NAA16: variants seen among roughly 807,000 people sequenced by gnomAD.
The protein encoded by NAA16 is NARG1-like protein.
A neutral mutation model predicts 110.3 loss-of-function variants in NAA16; 97 were observed. The observed-to-expected ratio is 0.88, with a 90% CI of 0.75 to 1.04. The LOEUF (loss-of-function observed/expected upper bound fraction) is 1.04. Ranked by LOEUF, NAA16 falls within the 50% of genes least tolerant of loss-of-function variation. NAA16 has a pLI of 0.00. For missense variants in NAA16, 1,017 were observed against 1,005.1 expected (o/e 1.01, Z -0.16); for synonymous variants, 372 against 330.6 (o/e 1.13, Z -1.36).
intron 9 of NAA16, among the ~76,000 whole-genome samples, chr13:41,346,203 A>C (rs1436192946): frequency 1.3e-5 from 2 of 152,222 alleles, no homozygotes; most frequent in Non-Finnish European, 2.9e-5. Context: ...GTGTGTGACT[A>C]TCCAGTTTTC....
At chr13:41,335,276 T>C (rs1029768940) in intron 8 of NAA16, among the ~76,000 whole-genome samples, 3 of 152,240 alleles carry the variant, frequency 2.0e-5, no homozygotes, top group East Asian at 1.9e-4. Context: ...TTTACTGTTA[T>C]ATTCTTATCT....
chr13:41,327,747 T>TTTTTTTTTTTTTTTTTTTTGAGACGG (rs2042130456), intron 6 of NAA16: 1 of 150,910 alleles, frequency 6.6e-6, no homozygotes. Context: ...TTTAAAGTTT[T>TTTTTTTTTTTTTTTTTTTTGAGACGG]AAGTAGCAGA....
chr13:41,353,177 T>C (rs1209886672), intron 9 of NAA16, among the ~76,000 whole-genome samples: 1 of 151,126 alleles, frequency 6.6e-6, no homozygotes, highest in Non-Finnish European at 1.5e-5. Flanking sequence ...CGTCCGCCCT[T>C]TTAAAAGCCA....
chr13:41,336,653 A>G lies in NAA16; in HGVS notation c.911A>G (p.Glu304Gly), dbSNP rs141436576. The change falls in exon 9 of 20, where the codon GAA (glutamate) becomes GGA (glycine). Residue 304 changes from glutamate to glycine, a missense_variant. Physicochemically the swap from Glu to Gly is moderately conservative, Grantham distance 98. Transcript: ENST00000379406. ...CAAAGTACGCTTTTGTTTCTAGGTGAAAGATTTAGAGAACTAATGGATAAG... is the reference window on the plus strand; with the variant it reads ...CAAAGTACGCTTTTGTTTCTAGGTGGAAGATTTAGAGAACTAATGGATAAG... ...RRLPLTLVPG[E>G]RFRELMDKFL... 1.3e-3 allele frequency: 1,978 copies of G among 1,564,440 alleles called. 2 individuals are homozygous for G. The highest frequency in any genetic ancestry group is 1.6e-3 in the Non-Finnish European group (1,879 of 1,149,248).
intron 8 of NAA16, among the ~76,000 whole-genome samples, chr13:41,332,988 A>G (rs543624858): frequency 2.0e-5 from 3 of 152,174 alleles, no homozygotes; most frequent in African/African-American, 7.2e-5. Context: ...TTTTCCAGGG[A>G]ACATTAAGTC....
chr13:41,315,836 CA>C (rs1162693880), intron 1 of NAA16, among the ~76,000 whole-genome samples: 23 of 152,166 alleles, frequency 1.5e-4, no homozygotes, highest in African/African-American at 4.8e-4. Flanking sequence ...GTGGCACAGT[CA>C]TGCCTTACTG....
chr13:41,338,847 T>G (rs1190836662), intron 9 of NAA16, among the ~76,000 whole-genome samples: 1 of 152,212 alleles, frequency 6.6e-6, no homozygotes, highest in Non-Finnish European at 1.5e-5. Context: ...TCTGAGATTT[T>G]TGGTACACCC....
chr13:41,365,192 CAAATTTAGAGACTA>C (rs2043186077), intron 13 of NAA16, among the ~76,000 whole-genome samples: 1 of 152,026 alleles, frequency 6.6e-6, no homozygotes, highest in South Asian at 2.1e-4. Flanking sequence ...TTGTGTTTTA[CAAATTTAGAGACTA>C]AAAAATCAAC....
chr13:41,328,591 A>C (rs1440671063), intron 6 of NAA16, 133 bp from the exon 7 acceptor site: 2 of 693,422 alleles, frequency 2.9e-6, no homozygotes, highest in Non-Finnish European at 2.3e-6. Context: ...CATGAACTGC[A>C]ACATGCCCAA....
intron 5 of NAA16, among the ~76,000 whole-genome samples, chr13:41,324,544 T>G (rs999114019): frequency 2.6e-5 from 4 of 151,498 alleles, no homozygotes; most frequent in Non-Finnish European, 5.9e-5. Context: ...TCTGGCTAAG[T>G]TTTGTATTTT....
Position 41,372,716 on chromosome 13 carries a change from A to AT in NAA16, c.2057-10dup. On this transcript the variant is annotated splice_polypyrimidine_tract_variant and intron_variant, in intron 16 of 19. Transcript: ENST00000379406. ...TAAGTATTAATGCTATTACTTTTGT[A>AT]TTTTTTCTGACACAGGAAAGTTTCT... is the stretch of plus-strand genomic sequence containing the variant. 2 of 1,582,246 alleles carry AT rather than the reference A, an allele frequency of 1.3e-6. No homozygotes were observed. The highest frequency in any genetic ancestry group is 8.6e-7 in the Non-Finnish European group (1 of 1,162,578).
chr13:41,345,079 AT>A (rs1489134691), intron 9 of NAA16, among the ~76,000 whole-genome samples: 2 of 152,226 alleles, frequency 1.3e-5, no homozygotes, highest in Non-Finnish European at 2.9e-5. Context: ...ACCATGTAAC[AT>A]TCCATTTTAT....
chr13:41,314,959 A>C (rs2041769416), intron 1 of NAA16, among the ~76,000 whole-genome samples: 1 of 152,226 alleles, frequency 6.6e-6, no homozygotes, highest in African/African-American at 2.4e-5. Context: ...GTGTCACTGC[A>C]CACCAGCTTG....
At position 41,311,297 on chromosome 13, in the gene NAA16, T is replaced by C. The variant is rs990821300; in HGVS notation, c.-232T>C. On this transcript the variant is annotated 5_prime_UTR_variant, in exon 1 of 20. Coordinates refer to ENST00000379406, the MANE Select transcript of NAA16 (RefSeq NM_024561.5). ...GCGCGGGAACCGCCGCCGCCGCCGC[T>C]GGCCAAAAAGCGGAGCCCAGGGGAA... 2.4e-5 allele frequency: 13 copies of C among 546,104 alleles called. No homozygotes were observed. Among genetic ancestry groups the C allele is most frequent in the South Asian group, 7.0e-5 (3 of 42,652 alleles). 33.8% of individuals were successfully genotyped at this position (546,104 alleles called of 1,614,324 possible).
At chr13:41,350,531 C>T (rs1473877174) in intron 9 of NAA16, among the ~76,000 whole-genome samples, 8 of 151,168 alleles carry the variant, frequency 5.3e-5, no homozygotes, top group South Asian at 2.1e-4. Flanking sequence ...CTCCTGACCT[C>T]ATGATCCACC....
At chr13:41,316,799 TTATGTATTCATTTGA>T (rs768041156) in intron 1 of NAA16, 32 bp from the exon 2 acceptor site, 41 of 1,267,856 alleles carry the variant, frequency 3.2e-5, no homozygotes, top group Non-Finnish European at 4.3e-5. Flanking sequence ...AGTTGCTCCA[TTATGTATTCATTTGA>T]TAAAATAACT....
chr13:41,357,058 C>T (rs1014527591), intron 10 of NAA16, among the ~76,000 whole-genome samples: 1 of 152,176 alleles, frequency 6.6e-6, no homozygotes, highest in Non-Finnish European at 1.5e-5. Flanking sequence ...TGGCTCCACA[C>T]CTGTGATCCC....
rs137856763 is a variant in NAA16 at position 41,326,154 on chromosome 13, T to C, written c.691+303T>C. 3.5e-3 allele frequency among the ~76,000 whole-genome samples: 532 copies of C among 152,266 alleles called. 4 individuals carry two copies. Among genetic ancestry groups the C allele is most frequent in the African/African-American group, 0.011 (471 of 41,540 alleles). On this transcript the variant is annotated intron_variant, in intron 6 of 19. Transcript: ENST00000379406. ...TAAGCAGTATATTACACTGCCTTCA[T>C]ATTGAATATGTATCTCTGTATATCC...
intron 9 of NAA16, among the ~76,000 whole-genome samples, chr13:41,346,680 G>A (rs983137934): frequency 1.3e-5 from 2 of 152,046 alleles, no homozygotes; most frequent in Non-Finnish European, 2.9e-5. Context: ...AGTGCCTCTT[G>A]GGGTATAAGG....
Sources: allele counts gnomAD v4.1 joint callset (sites outside exome capture counted in the v4.1 genomes callset), GRCh38; gene constraint gnomAD v4.1.1; transcripts MANE v1.5; gene names NCBI Gene and HGNC (gene_info 2026-07-23, HGNC 2026-07-21).